Variants in OLFM1 observed in about 807,000 individuals in gnomAD.
OLFM1 encodes the protein noelin.
Under a neutral mutation model 49.7 loss-of-function variants are expected in OLFM1, and 9 were observed. That is an observed-to-expected ratio of 0.18 (90% confidence interval 0.11 to 0.32). The LOEUF is 0.32. Ranked by LOEUF, OLFM1 falls within the 10% of genes least tolerant of loss-of-function variation. The probability of loss-of-function intolerance (pLI) is 1.00; values close to 1 mark genes in which losing one functional copy is unlikely to be tolerated. For missense variants in OLFM1, 369 were observed against 661.8 expected (o/e 0.56, Z 4.85); for synonymous variants, 240 against 271.8 (o/e 0.88, Z 1.15).
At chr9:135,076,426 G>C in intron 1 of OLFM1, 2 of 1,459,556 alleles carry the variant, frequency 1.4e-6, no homozygotes, top group Non-Finnish European at 1.8e-6. Context: ...GCTGGTGTGG[G>C]GATCGTGGGC....
At chr9:135,083,816 AG>A (rs1304210214), upstream of OLFM1, among the ~76,000 whole-genome samples, 1 of 152,236 alleles carries the variant, frequency 6.6e-6, no homozygotes, top group East Asian at 1.9e-4. Context: ...GCAGAGAGAC[AG>A]GGTGTGACTG....
Position 135,080,111 on chromosome 9 carries a change from C to T in OLFM1, c.96+4309C>T, listed in dbSNP as rs75069410. 9.2e-5 allele frequency among the ~76,000 whole-genome samples: 14 copies of T among 151,740 alleles called. No individual in the cohort carries two copies. In the East Asian group the frequency reaches 2.7e-3, roughly 30 times the overall value. On this transcript the variant is annotated intron_variant, in intron 1 of 5. Transcript: ENST00000252854. This position sits in a 1 kb window ranked among gnomAD's most constrained non-coding sequence, Gnocchi z 4.5. Reference sequence around the variant, plus strand: ...CCCTCTGAATCTGTTCCTCATCCCCCCATTTAGCTCATTCTAGAGCTGAAG... The same window carrying T: ...CCCTCTGAATCTGTTCCTCATCCCCTCATTTAGCTCATTCTAGAGCTGAAG...
At chr9:135,106,162 G>C (rs1830939856) in intron 4 of OLFM1, 1 of 152,842 alleles carries the variant, frequency 6.5e-6, no homozygotes, top group South Asian at 2.1e-4. Flanking sequence ...TCACGCCTGT[G>C]GGAGAAGCGC....
intron 4 of OLFM1, among the ~76,000 whole-genome samples, chr9:135,100,673 C>T (rs1830858816): frequency 6.6e-6 from 1 of 152,222 alleles, no homozygotes; most frequent in Non-Finnish European, 1.5e-5. Flanking sequence ...GTAAATGCCA[C>T]TCGATAGCTG....
chr9:135,081,489 C>T (rs1191143794), intron 1 of OLFM1, among the ~76,000 whole-genome samples: 1 of 152,066 alleles, frequency 6.6e-6, no homozygotes, highest in Non-Finnish European at 1.5e-5. Flanking sequence ...GGAGGGGGTC[C>T]ACTTGTGGTT....
At position 135,120,457 on chromosome 9, in the gene OLFM1, A is replaced by T. The variant is rs1478726294; in HGVS notation, c.*279A>T. ...CTGTCCCTCTCTGGTCAAACAACATACTAAAGAGGCGAGGCAATGACTGTT... is the reference window on the plus strand; with the variant it reads ...CTGTCCCTCTCTGGTCAAACAACATTCTAAAGAGGCGAGGCAATGACTGTT... On this transcript the variant is annotated 3_prime_UTR_variant, in exon 6 of 6. Coordinates refer to ENST00000371793, the MANE Select transcript of OLFM1 (RefSeq NM_001282611.2). 2.1e-6 allele frequency: 1 copy of T among 470,610 alleles called. No individual in the cohort carries two copies. The highest frequency in any genetic ancestry group is 3.8e-6 in the Non-Finnish European group (1 of 262,736). The allele number at this position is 470,610 out of a possible 1,614,324, so 29.2% of individuals were successfully genotyped here.
chr9:135,109,011 A>G (rs1281111642), intron 5 of OLFM1, among the ~76,000 whole-genome samples: 1 of 151,694 alleles, frequency 6.6e-6, no homozygotes. Flanking sequence ...CCACAAACCC[A>G]CGCTGACCAC....
chr9:135,119,157 C>T (rs1021307412), intron 5 of OLFM1, among the ~76,000 whole-genome samples: 4 of 147,960 alleles, frequency 2.7e-5, no homozygotes, highest in African/African-American at 1.0e-4. Context: ...GAGTGCTCAC[C>T]GAGTCTTTGG....
chr9:135,105,926 G>C (rs774587193), intron 4 of OLFM1: 3 of 152,294 alleles, frequency 2.0e-5, no homozygotes, highest in African/African-American at 7.2e-5. Flanking sequence ...ACCGGCCTCC[G>C]GGCAGGAGGA....
chr9:135,092,143 C>T (rs928288834), intron 2 of OLFM1, among the ~76,000 whole-genome samples: 9 of 152,184 alleles, frequency 5.9e-5, no homozygotes, highest in Non-Finnish European at 1.2e-4. Flanking sequence ...AGCATTGACC[C>T]GACTCGGGTC....
chr9:135,080,596 A>G lies in OLFM1; in HGVS notation c.96+4794A>G, dbSNP rs1368108652. ...GACAGCTGCTCCGTCTCCTAAAGCA[A>G]TTTGCTTCTCATTCCACTGACTTCA... is the stretch of plus-strand genomic sequence containing the variant. On this transcript the variant is annotated intron_variant, in intron 1 of 5. Coordinates refer to the OLFM1 transcript ENST00000252854. The surrounding 1 kb of genome is among the most constrained non-coding windows in gnomAD (Gnocchi z 4.5). Among the ~76,000 whole-genome samples the G allele has an allele frequency of 4.6e-5, 7 of 152,002 alleles. No homozygotes were observed. The highest frequency in any genetic ancestry group is 1.7e-4 in the African/African-American group (7 of 41,386).
chr9:135,099,354 T>G (rs1329368800), intron 4 of OLFM1, among the ~76,000 whole-genome samples: 5 of 152,230 alleles, frequency 3.3e-5, no homozygotes, highest in African/African-American at 9.6e-5. Flanking sequence ...TGATTTTGCC[T>G]TATGAAGTTT....
chr9:135,087,426 C>T (rs954968424), upstream of OLFM1: 4 of 1,543,992 alleles, frequency 2.6e-6, no homozygotes, highest in African/African-American at 2.8e-5. Context: ...CAGCTGGAGT[C>T]CCCGCGCCGC....
At chr9:135,087,584 ATTTCC>A, upstream of OLFM1, 1 of 964,682 alleles carries the variant, frequency 1.0e-6, no homozygotes, top group Non-Finnish European at 1.4e-6. Flanking sequence ...AAATCCACCC[ATTTCC>A]TGGGCGGATT....
intron 1 of OLFM1, among the ~76,000 whole-genome samples, chr9:135,089,729 C>T: frequency 6.6e-6 from 1 of 152,138 alleles, no homozygotes; most frequent in Non-Finnish European, 1.5e-5. Context: ...TGTCAGGGAA[C>T]GGCAGGGCGA....
chr9:135,101,949 C>A (rs1041095091), intron 4 of OLFM1, among the ~76,000 whole-genome samples: 6 of 152,210 alleles, frequency 3.9e-5, no homozygotes, highest in African/African-American at 1.4e-4. Context: ...TCCTTAGTTT[C>A]TTTTTTTTCC....
intron 2 of OLFM1, among the ~76,000 whole-genome samples, chr9:135,091,643 A>ACC (rs1296105163): frequency 1.4e-5 from 1 of 73,826 alleles, no homozygotes; most frequent in Non-Finnish European, 2.8e-5. Context: ...AGTCACACAC[A>ACC]CTCACATAGT....
upstream of OLFM1, among the ~76,000 whole-genome samples, chr9:135,084,450 CTCTCTGTCTCTCT>C (rs1331314138): frequency 1.2e-3 from 5 of 4,264 alleles, no homozygotes; most frequent in African/African-American, 0.011. This position sits in a 1 kb window ranked among gnomAD's most constrained non-coding sequence, Gnocchi z 4.6. Flanking sequence ...ATTATCTCTC[CTCTCTGTCTCTCT>C]TCTCTCTGTC....
chr9:135,098,147 C>T lies in OLFM1; in HGVS notation c.457-139C>T. Reference sequence around the variant, plus strand: ...GACTGTTTAATATGCTCTTCTAACTCATTTGGACCAGAACAAATAAGCCTG... The same window carrying T: ...GACTGTTTAATATGCTCTTCTAACTTATTTGGACCAGAACAAATAAGCCTG... On this transcript the variant is annotated intron_variant, in intron 3 of 5. Coordinates refer to ENST00000371793, the MANE Select transcript of OLFM1 (RefSeq NM_001282611.2). The surrounding 1 kb of genome is among the most constrained non-coding windows in gnomAD (Gnocchi z 5.6). 1 of 1,439,944 alleles carries T rather than the reference C, an allele frequency of 6.9e-7. No homozygotes were observed. The highest frequency in any genetic ancestry group is 9.1e-7 in the Non-Finnish European group (1 of 1,097,662). The allele number at this position is 1,439,944 out of a possible 1,614,324, so 89.2% of individuals were successfully genotyped here. A position where few individuals can be genotyped will look rare whatever the true frequency, so the allele number is the denominator to read the frequency against.
Sources: allele counts gnomAD v4.1 joint callset (sites outside exome capture counted in the v4.1 genomes callset), GRCh38; gene constraint gnomAD v4.1.1; non-coding constraint Gnocchi (gnomAD v3.1); transcripts MANE v1.5; gene names NCBI Gene and HGNC (gene_info 2026-07-23, HGNC 2026-07-21).